RECQL: variants seen among roughly 807,000 people sequenced by gnomAD.
RECQL encodes the protein ATP-dependent DNA helicase Q1.
A neutral mutation model predicts 75.8 loss-of-function variants in RECQL; 73 were observed. The observed-to-expected ratio is 0.96, with a 90% CI of 0.80 to 1.17. The LOEUF is 1.17. Among genes scored for constraint, RECQL ranks in the 50% most tolerant of loss-of-function variants. The pLI is 0.00. For missense variants in RECQL, 699 were observed against 772.1 expected (o/e 0.91, Z 1.12); for synonymous variants, 248 against 254.4 (o/e 0.97, Z 0.24).
intron 2 of RECQL, among the ~76,000 whole-genome samples, chr12:21,496,958 G>T (rs1407209356): frequency 2.0e-5 from 3 of 152,200 alleles, no homozygotes; most frequent in Non-Finnish European, 2.9e-5. Context: ...GATGTTATAT[G>T]ACACCTTTGG....
chr12:21,482,196 G>A (rs1226622050), intron 6 of RECQL, among the ~76,000 whole-genome samples: 3 of 151,690 alleles, frequency 2.0e-5, no homozygotes, highest in Admixed American at 6.6e-5. Context: ...TCTTAAGAAG[G>A]CAGGAAAGGA....
intron 8 of RECQL, 104 bp downstream of exon 8, chr12:21,476,807 A>T: frequency 3.5e-6 from 2 of 570,092 alleles, no homozygotes; most frequent in Non-Finnish European, 2.9e-6. Context: ...CTATACATTA[A>T]TTTTTTTTGG....
At chr12:21,490,147 G>C (rs1031619091) in intron 4 of RECQL, 52 bp downstream of exon 4, 2 of 991,478 alleles carry the variant, frequency 2.0e-6, no homozygotes, top group East Asian at 4.9e-5. Context: ...AATTAAAAAG[G>C]TATGATGACA....
At position 21,471,227 on chromosome 12, in the gene RECQL, T is replaced by C. The variant is rs185959577; in HGVS notation, c.1668-129A>G. ...CTTGAAATAATAAAATTTACAAGAA[T>C]GCAAATAAAGCCTTTAAAGAAAATA... is the stretch of plus-strand genomic sequence containing the variant. On this transcript the variant is annotated intron_variant, in intron 13 of 14. Coordinates refer to ENST00000444129, the MANE Select transcript of RECQL (RefSeq NM_002907.4). The C allele has an allele frequency of 1.9e-4, 205 of 1,079,450 alleles. No homozygotes were observed. The African/African-American group carries it at 2.8e-3, about 14-fold the overall frequency. The allele number at this position is 1,079,450 out of a possible 1,614,324, so 66.9% of individuals were successfully genotyped here.
rs567843263 is a variant in RECQL, at chr12:21,486,710, G to GCCCAGGCT, written c.395-133_395-126dup. The GCCCAGGCT allele has an allele frequency of 1.9e-3, 1,500 of 776,076 alleles. 30 individuals are homozygous for GCCCAGGCT. The African/African-American group carries it at 0.033, about 17-fold the overall frequency. 48.1% of individuals were successfully genotyped at this position (776,076 alleles called of 1,614,324 possible). ...TTTAGAGATGGAGTCTCACTCTCTT[G>GCCCAGGCT]CCCAGGCTAGAGTGCAGTGGTGCGA... On this transcript the variant is annotated intron_variant, in intron 4 of 14. Transcript: ENST00000444129.
intron 10 of RECQL, 68 bp downstream of exon 10, chr12:21,475,400 A>T: frequency 1.1e-6 from 1 of 923,064 alleles, no homozygotes; most frequent in Non-Finnish European, 1.7e-6. Flanking sequence ...CAGACTTATT[A>T]AGCATTTATC....
intron 2 of RECQL, 152 bp from the exon 3 acceptor site, chr12:21,491,868 AGAC>A: frequency 2.9e-6 from 2 of 695,480 alleles, no homozygotes; most frequent in Non-Finnish European, 4.6e-6. Context: ...TGAGTCATAT[AGAC>A]CTAAGTTAAA....
At chr12:21,477,648 T>C (rs1943110796) in intron 7 of RECQL, among the ~76,000 whole-genome samples, 155 bp downstream of exon 7, 1 of 152,220 alleles carries the variant, frequency 6.6e-6, no homozygotes, top group Non-Finnish European at 1.5e-5. Flanking sequence ...GATACATGAA[T>C]GAAGCCCTAA....
chr12:21,488,568 A>T (rs749729304), intron 4 of RECQL, among the ~76,000 whole-genome samples: 19 of 152,184 alleles, frequency 1.2e-4, no homozygotes, highest in Admixed American at 1.3e-4. Flanking sequence ...AACATGTCCC[A>T]AATAAATTCA....
chr12:21,472,948 A>G (rs1168781289), intron 12 of RECQL, among the ~76,000 whole-genome samples: 1 of 152,098 alleles, frequency 6.6e-6, no homozygotes, highest in Non-Finnish European at 1.5e-5. Context: ...ATTTTCCTTC[A>G]TTTATTAAAA....
intron 12 of RECQL, among the ~76,000 whole-genome samples, chr12:21,472,392 A>G (rs571880162): frequency 7.9e-5 from 12 of 152,268 alleles, no homozygotes; most frequent in Admixed American, 3.9e-4. Context: ...TTAGCAATAG[A>G]GTATAGGAAA....
intron 6 of RECQL, among the ~76,000 whole-genome samples, chr12:21,481,218 T>C (rs1041994794): frequency 2.6e-5 from 4 of 152,158 alleles, no homozygotes; most frequent in African/African-American, 9.7e-5. Flanking sequence ...AAAAAGTTTT[T>C]GGTTAGAATG....
chr12:21,494,855 T>C (rs1943476125), intron 2 of RECQL, among the ~76,000 whole-genome samples: 1 of 152,176 alleles, frequency 6.6e-6, no homozygotes, highest in Non-Finnish European at 1.5e-5. Context: ...AATATCATCT[T>C]CCAAGTAGAC....
chr12:21,481,274 A>G (rs1392322862), intron 6 of RECQL, among the ~76,000 whole-genome samples: 2 of 152,220 alleles, frequency 1.3e-5, no homozygotes, highest in Non-Finnish European at 2.9e-5. Context: ...GAAGAAAAAG[A>G]GCAGTTCTTT....
intron 6 of RECQL, among the ~76,000 whole-genome samples, chr12:21,478,590 A>G (rs1053454398): frequency 6.6e-6 from 1 of 152,228 alleles, no homozygotes; most frequent in Non-Finnish European, 1.5e-5. Context: ...AACAGCATAT[A>G]CACTGCAAAT....
intron 7 of RECQL, among the ~76,000 whole-genome samples, 161 bp downstream of exon 7, chr12:21,477,642 C>T (rs1221978803): frequency 6.6e-6 from 1 of 152,186 alleles, no homozygotes; most frequent in Non-Finnish European, 1.5e-5. Flanking sequence ...GCAAAAGATA[C>T]ATGAATGAAG....
At chr12:21,498,069 C>A (rs1013325044) in intron 2 of RECQL, among the ~76,000 whole-genome samples, 3 of 152,336 alleles carry the variant, frequency 2.0e-5, no homozygotes, top group Non-Finnish European at 4.4e-5. Flanking sequence ...TGATTGTCAT[C>A]GTATTCCCCA....
At chr12:21,481,234 T>G (rs1268463660) in intron 6 of RECQL, among the ~76,000 whole-genome samples, 1 of 151,818 alleles carries the variant, frequency 6.6e-6, no homozygotes, top group Non-Finnish European at 1.5e-5. Context: ...GAATGTCGAG[T>G]AGAGTTATGG....
At chr12:21,477,769 A>C in intron 7 of RECQL, 34 bp downstream of exon 7, 1 of 1,549,264 alleles carries the variant, frequency 6.5e-7, no homozygotes, top group Non-Finnish European at 8.8e-7. Context: ...GTAATTCTTC[A>C]CAAAAGTAAG....
Sources: gnomAD v4.1 joint callset for allele counts (sites outside exome capture counted in the v4.1 genomes callset) on GRCh38, gnomAD v4.1.1 for gene constraint, MANE v1.5 for transcripts, NCBI Gene and HGNC (gene_info 2026-07-23, HGNC 2026-07-21) for gene names.